CARMIL1: variants seen among roughly 807,000 people sequenced by gnomAD.
CARMIL1 encodes capping protein regulator and myosin 1 linker 1.
CARMIL1 carries 90 observed loss-of-function variants against 177.1 expected under a neutral mutation model. The observed-to-expected ratio is 0.51, with a 90% CI of 0.43 to 0.61. The LOEUF is 0.61. Ranked by LOEUF, CARMIL1 falls within the 20% of genes least tolerant of loss-of-function variation. The pLI, the probability that CARMIL1 is intolerant of heterozygous loss-of-function variation, is 0.00. For synonymous variants in CARMIL1, 577 were observed against 606.2 expected, an observed-to-expected ratio of 0.95 and a Z score of 0.71; for missense variants, 1,380 against 1,667.0, an observed-to-expected ratio of 0.83 and a Z score of 3.00.
chr6:25,459,273 T>TCTTTCTCTCTCTCTCTCTCTC, intron 8 of CARMIL1, among the ~76,000 whole-genome samples: 1 of 132,844 alleles, frequency 7.5e-6, no homozygotes, highest in East Asian at 2.3e-4. Context: ...TTTCTTTTTT[T>TCTTTCTCTCTCTCTCTCTCTC]TTTTTTTAAG....
intron 2 of CARMIL1, among the ~76,000 whole-genome samples, chr6:25,332,452 A>G (rs913769195): frequency 3.9e-5 from 6 of 151,968 alleles, no homozygotes; most frequent in African/African-American, 1.5e-4. Flanking sequence ...TGAGTTCTGA[A>G]TGTATTTTTA....
intron 24 of CARMIL1, among the ~76,000 whole-genome samples, chr6:25,534,152 AG>A (rs1344447432): frequency 2.0e-5 from 3 of 150,770 alleles, no homozygotes; most frequent in Non-Finnish European, 4.4e-5. Context: ...TACAAGAACT[AG>A]TTTTTTCATT....
intron 3 of CARMIL1, among the ~76,000 whole-genome samples, chr6:25,425,155 G>A (rs911435439): frequency 2.6e-5 from 4 of 152,072 alleles, no homozygotes; most frequent in Non-Finnish European, 5.9e-5. Context: ...TTTAGCTCTT[G>A]GAGGACAAAA....
chr6:25,543,809 A>C (rs895508671), intron 26 of CARMIL1, among the ~76,000 whole-genome samples: 1 of 152,144 alleles, frequency 6.6e-6, no homozygotes, highest in Admixed American at 6.5e-5. Context: ...AGGGCATTTT[A>C]GTGTGGAAGT....
intron 36 of CARMIL1, among the ~76,000 whole-genome samples, chr6:25,618,049 T>C (rs2151357471): frequency 6.6e-6 from 1 of 152,334 alleles, no homozygotes; most frequent in East Asian, 1.9e-4. Context: ...TGAAAGGTTT[T>C]TTTCCTTTCA....
At chr6:25,498,003 T>C (rs1261053476) in intron 16 of CARMIL1, among the ~76,000 whole-genome samples, 1 of 152,154 alleles carries the variant, frequency 6.6e-6, no homozygotes, top group African/African-American at 2.4e-5. Context: ...AATAGTCTGG[T>C]TCATATGTGT....
chr6:25,370,824 T>C (rs2150432680), intron 2 of CARMIL1, among the ~76,000 whole-genome samples: 1 of 152,210 alleles, frequency 6.6e-6, no homozygotes, highest in Middle Eastern at 3.4e-3. Flanking sequence ...CACGGACAAA[T>C]TGTATAGTGG....
chr6:25,332,788 C>CGG (rs1240071601), intron 2 of CARMIL1, among the ~76,000 whole-genome samples: 1 of 144,502 alleles, frequency 6.9e-6, no homozygotes, highest in Non-Finnish European at 1.5e-5. Flanking sequence ...CACACACACA[C>CGG]ACACTTCTTT....
intron 28 of CARMIL1, among the ~76,000 whole-genome samples, chr6:25,555,585 A>G (rs1486738868): frequency 6.6e-6 from 1 of 152,096 alleles, no homozygotes; most frequent in African/African-American, 2.4e-5. Context: ...TTTTAAGTAG[A>G]GATGAGGTTT....
intron 2 of CARMIL1, among the ~76,000 whole-genome samples, chr6:25,286,875 T>C (rs1781560394): frequency 6.6e-6 from 1 of 152,234 alleles, no homozygotes; most frequent in African/African-American, 2.4e-5. Context: ...TAGTACTTAA[T>C]TGTAAGTTTT....
chr6:25,412,968 C>A (rs1311309325), intron 2 of CARMIL1, among the ~76,000 whole-genome samples: 1 of 152,080 alleles, frequency 6.6e-6, no homozygotes, highest in African/African-American at 2.4e-5. Context: ...GGTGAAGTGT[C>A]CTCCTGCCAG....
At chr6:25,348,542 G>T (rs1311027368) in intron 2 of CARMIL1, among the ~76,000 whole-genome samples, 1 of 152,006 alleles carries the variant, frequency 6.6e-6, no homozygotes, top group African/African-American at 2.4e-5. Flanking sequence ...TGAGCACTTT[G>T]GGAGGCCGAG....
intron 11 of CARMIL1, among the ~76,000 whole-genome samples, chr6:25,480,819 C>T (rs1289511027): frequency 7.1e-6 from 1 of 140,844 alleles, no homozygotes; most frequent in Non-Finnish European, 1.5e-5. Context: ...CTCCTGAGTT[C>T]ACGCCATTCT....
chr6:25,426,838 C>A (rs1251596699), intron 4 of CARMIL1, among the ~76,000 whole-genome samples: 1 of 152,090 alleles, frequency 6.6e-6, no homozygotes. Context: ...GTACAACATG[C>A]TTTAACACTA....
At chr6:25,283,605 CCTT>C (rs1249682463) in intron 1 of CARMIL1, among the ~76,000 whole-genome samples, 2 of 152,100 alleles carry the variant, frequency 1.3e-5, no homozygotes, top group East Asian at 3.8e-4. Context: ...CCAGATTTCT[CCTT>C]CTATTGCCTT....
At chr6:25,503,263 A>G (rs1369122508) in intron 17 of CARMIL1, among the ~76,000 whole-genome samples, 1 of 152,222 alleles carries the variant, frequency 6.6e-6, no homozygotes, top group Non-Finnish European at 1.5e-5. Flanking sequence ...TGTTCTCCCC[A>G]CTTATAACCT....
intron 2 of CARMIL1, among the ~76,000 whole-genome samples, chr6:25,390,314 A>ATTTTT (rs1296124307): frequency 2.5e-5 from 1 of 39,510 alleles, no homozygotes; most frequent in Non-Finnish European, 5.0e-5. Flanking sequence ...ATATATATAT[A>ATTTTT]TATATATTTT....
intron 9 of CARMIL1, among the ~76,000 whole-genome samples, chr6:25,469,810 C>T (rs1800943526): frequency 6.6e-6 from 1 of 152,132 alleles, no homozygotes; most frequent in Non-Finnish European, 1.5e-5. Context: ...AGTAATCTGC[C>T]TTCCTCAGTT....
intron 2 of CARMIL1, among the ~76,000 whole-genome samples, chr6:25,309,479 C>CTT (rs35901028): frequency 2.4e-4 from 35 of 145,314 alleles, no homozygotes; most frequent in South Asian, 4.3e-4. Flanking sequence ...AATTTTGAGC[C>CTT]TTTTTTTTTT....
Sources: allele counts gnomAD v4.1 joint callset (sites outside exome capture counted in the v4.1 genomes callset), GRCh38; gene constraint gnomAD v4.1.1; transcripts MANE v1.5; gene names NCBI Gene and HGNC (gene_info 2026-07-23, HGNC 2026-07-21).